The following NRCAM variants were observed in gnomAD, a reference collection of about 807,000 sequenced individuals.
NRCAM encodes the protein NgCAM-related cell adhesion molecule.
Under a neutral mutation model 156.5 loss-of-function variants are expected in NRCAM, and 83 were observed. That is an observed-to-expected ratio of 0.53 (90% CI 0.44 to 0.64). The LOEUF (loss-of-function observed/expected upper bound fraction) is 0.64. Among genes scored for constraint, NRCAM ranks in the 30% least tolerant of loss-of-function variants. The pLI is 0.00. For missense variants in NRCAM, 1,417 were observed against 1,597.3 expected (o/e 0.89, Z 1.92); for synonymous variants, 538 against 563.9 (o/e 0.95, Z 0.65).
intron 6 of NRCAM, among the ~76,000 whole-genome samples, chr7:108,233,301 AG>A (rs1250261277): frequency 6.6e-6 from 1 of 152,174 alleles, no homozygotes; most frequent in Non-Finnish European, 1.5e-5. Context: ...AGTGTTTTCT[AG>A]GATCACTTGG....
At chr7:108,397,433 T>C (rs1279629619) in intron 2 of NRCAM, among the ~76,000 whole-genome samples, 4 of 152,120 alleles carry the variant, frequency 2.6e-5, no homozygotes, top group African/African-American at 9.7e-5. Flanking sequence ...ACCCCAGACA[T>C]TCCCTCAAAG....
chr7:108,293,964 T>C (rs1259882085), intron 3 of NRCAM, among the ~76,000 whole-genome samples: 1 of 152,174 alleles, frequency 6.6e-6, no homozygotes, highest in South Asian at 2.1e-4. Flanking sequence ...CTTATACTAC[T>C]GGAGCCAGGA....
chr7:108,448,099 A>G (rs533742117), intron 1 of NRCAM, among the ~76,000 whole-genome samples: 2 of 152,350 alleles, frequency 1.3e-5, no homozygotes, highest in South Asian at 4.1e-4. Context: ...AACTGTTACT[A>G]GAAACGTAAA....
intron 11 of NRCAM, among the ~76,000 whole-genome samples, chr7:108,210,610 G>A (rs1281178473): frequency 3.3e-5 from 5 of 152,322 alleles, no homozygotes; most frequent in African/African-American, 1.2e-4. Flanking sequence ...TAGGCTTGGA[G>A]TTAGAAGATC....
At chr7:108,393,539 G>A (rs2099768031) in intron 2 of NRCAM, among the ~76,000 whole-genome samples, 1 of 152,122 alleles carries the variant, frequency 6.6e-6, no homozygotes, top group South Asian at 2.1e-4. Flanking sequence ...TCCCAGGTGA[G>A]GTGATGCCTC....
chr7:108,241,210 T>C (rs1371082690), intron 3 of NRCAM, among the ~76,000 whole-genome samples: 2 of 152,204 alleles, frequency 1.3e-5, no homozygotes, highest in Non-Finnish European at 2.9e-5. Context: ...ACATATTGCA[T>C]ACATGCTCTC....
intron 3 of NRCAM, among the ~76,000 whole-genome samples, chr7:108,269,699 A>G (rs185033762): frequency 1.9e-4 from 29 of 152,338 alleles, no homozygotes; most frequent in African/African-American, 6.7e-4. Context: ...TGAATAATAA[A>G]CTCCATTAAT....
intron 15 of NRCAM, among the ~76,000 whole-genome samples, chr7:108,194,691 C>T (rs941683641): frequency 5.3e-5 from 8 of 152,204 alleles, no homozygotes; most frequent in Non-Finnish European, 1.5e-5. Flanking sequence ...CATAAGCATC[C>T]ATTTTTCTTC....
chr7:108,368,224 A>AG (rs2099604299), intron 2 of NRCAM, among the ~76,000 whole-genome samples: 2 of 91,058 alleles, frequency 2.2e-5, no homozygotes, highest in African/African-American at 4.0e-5. Context: ...ACACTTTCAT[A>AG]CCCCCCCCCA....
chr7:108,203,634 G>A (rs1174652060), intron 13 of NRCAM, among the ~76,000 whole-genome samples: 2 of 152,128 alleles, frequency 1.3e-5, no homozygotes, highest in Admixed American at 6.5e-5. Flanking sequence ...GTGTCCTTAG[G>A]TGCTCGCCTG....
intron 6 of NRCAM, among the ~76,000 whole-genome samples, chr7:108,233,842 T>C (rs2094593427): frequency 6.6e-6 from 1 of 152,226 alleles, no homozygotes; most frequent in Admixed American, 6.5e-5. Context: ...CTTCCATATA[T>C]GACTGGACAT....
chr7:108,260,563 G>GT (rs978047151), intron 3 of NRCAM, among the ~76,000 whole-genome samples: 2 of 152,182 alleles, frequency 1.3e-5, no homozygotes, highest in Non-Finnish European at 2.9e-5. Context: ...CTGTGATGGA[G>GT]TGGGGAAAGG....
At chr7:108,270,035 G>A (rs2097283225) in intron 3 of NRCAM, among the ~76,000 whole-genome samples, 1 of 152,192 alleles carries the variant, frequency 6.6e-6, no homozygotes, top group Non-Finnish European at 1.5e-5. Context: ...TGTTTCAGCA[G>A]ATACAGCTTC....
intron 1 of NRCAM, among the ~76,000 whole-genome samples, chr7:108,453,683 GA>G (rs1563882353): frequency 6.6e-6 from 1 of 152,192 alleles, no homozygotes; most frequent in Admixed American, 6.5e-5. Flanking sequence ...AAAGTAAAAA[GA>G]AGGTTGAAAC....
intron 1 of NRCAM, among the ~76,000 whole-genome samples, chr7:108,418,842 T>C (rs1003917545): frequency 2.6e-5 from 4 of 152,234 alleles, no homozygotes; most frequent in African/African-American, 9.6e-5. Flanking sequence ...TATAGGCTTT[T>C]GAATATGACA....
chr7:108,397,702 T>G (rs1452074138), intron 2 of NRCAM, among the ~76,000 whole-genome samples: 1 of 152,190 alleles, frequency 6.6e-6, no homozygotes, highest in African/African-American at 2.4e-5. Context: ...AGAATGACAT[T>G]TGAGAAAGCA....
At chr7:108,160,613 CA>C in intron 30 of NRCAM, 121 bp from the exon 31 acceptor site, 1 of 666,432 alleles carries the variant, frequency 1.5e-6, no homozygotes, top group Non-Finnish European at 2.4e-6. Context: ...CATGTGGCCC[CA>C]AATTAGGATC....
chr7:108,382,799 T>A (rs114156582), intron 2 of NRCAM, among the ~76,000 whole-genome samples: 1 of 152,060 alleles, frequency 6.6e-6, no homozygotes, highest in Non-Finnish European at 1.5e-5. Flanking sequence ...ACACCCCATA[T>A]TGACTCTGTA....
At chr7:108,164,692 C>T (rs909967280) in intron 30 of NRCAM, among the ~76,000 whole-genome samples, 8 of 152,138 alleles carry the variant, frequency 5.3e-5, no homozygotes, top group Non-Finnish European at 8.8e-5. Flanking sequence ...TAATGGTAAA[C>T]TGAGGCATTC....
Sources: gnomAD v4.1 joint callset for allele counts (sites outside exome capture counted in the v4.1 genomes callset) on GRCh38, gnomAD v4.1.1 for gene constraint, MANE v1.5 for transcripts, NCBI Gene and HGNC (gene_info 2026-07-23, HGNC 2026-07-21) for gene names.